The following AGBL3 variants were observed in gnomAD, a reference collection of about 807,000 sequenced individuals.
AGBL3 encodes AGBL carboxypeptidase 3, also known as cytosolic carboxypeptidase 3.
Under a neutral mutation model 94.5 loss-of-function variants are expected in AGBL3, and 68 were observed. The ratio of observed to expected loss-of-function variants is 0.72; its 90% CI spans 0.59 to 0.88. The LOEUF is 0.88. Among genes scored for constraint, AGBL3 ranks in the 40% least tolerant of loss-of-function variants. AGBL3 has a pLI of 0.00. For synonymous variants in AGBL3, 354 were observed against 370.7 expected, an observed-to-expected ratio of 0.95 and a Z score of 0.52; for missense variants, 934 against 1,103.8, an observed-to-expected ratio of 0.85 and a Z score of 2.18.
At chr7:135,005,175 T>A (rs1049492076) in intron 4 of AGBL3, among the ~76,000 whole-genome samples, 11 of 151,776 alleles carry the variant, frequency 7.2e-5, no homozygotes, top group African/African-American at 2.7e-4. Flanking sequence ...GTTGCAGATA[T>A]CCTTACATTT....
intron 12 of AGBL3, among the ~76,000 whole-genome samples, chr7:135,070,575 G>A (rs1454503699): frequency 2.0e-5 from 3 of 152,028 alleles, no homozygotes; most frequent in East Asian, 3.8e-4. Flanking sequence ...TTCAACATAT[G>A]CAAATCAATA....
At chr7:135,058,188 G>T (rs1010711887) in intron 11 of AGBL3, among the ~76,000 whole-genome samples, 10 of 151,998 alleles carry the variant, frequency 6.6e-5, no homozygotes, top group Non-Finnish European at 2.9e-5. Context: ...AGTTATGCAG[G>T]GAATGGGGGC....
At chr7:134,988,955 A>C (rs1164300273) in intron 2 of AGBL3, among the ~76,000 whole-genome samples, 1 of 151,916 alleles carries the variant, frequency 6.6e-6, no homozygotes, top group Non-Finnish European at 1.5e-5. Flanking sequence ...TTCTTAATTT[A>C]AATAGTTTTC....
intron 4 of AGBL3, among the ~76,000 whole-genome samples, chr7:135,003,427 C>T (rs1180048335): frequency 1.3e-5 from 2 of 151,884 alleles, no homozygotes; most frequent in African/African-American, 4.8e-5. Context: ...TTACTGTGTT[C>T]AAGATTTTTC....
chr7:135,128,205 T>C (rs903301543), intron 16 of AGBL3, among the ~76,000 whole-genome samples: 7 of 132,318 alleles, frequency 5.3e-5, no homozygotes, highest in Non-Finnish European at 1.1e-4. Context: ...GACAGGAGAA[T>C]TGCTTGAACC....
At chr7:135,040,885 C>CA (rs60759991) in intron 8 of AGBL3, among the ~76,000 whole-genome samples, 34 of 121,026 alleles carry the variant, frequency 2.8e-4, no homozygotes, top group Non-Finnish European at 4.8e-4. Flanking sequence ...CACACACACA[C>CA]CACACACACA....
chr7:135,068,653 A>T (rs1819592981), intron 12 of AGBL3, among the ~76,000 whole-genome samples: 1 of 152,214 alleles, frequency 6.6e-6, no homozygotes, highest in African/African-American at 2.4e-5. Context: ...TAAGTGAAGG[A>T]GAAATAAAAT....
At chr7:135,057,247 T>C (rs1489640186) in intron 11 of AGBL3, among the ~76,000 whole-genome samples, 2 of 152,076 alleles carry the variant, frequency 1.3e-5, no homozygotes, top group African/African-American at 2.4e-5. Context: ...TCACGAAAAT[T>C]AACTCCAAAT....
intron 15 of AGBL3, among the ~76,000 whole-genome samples, chr7:135,103,276 T>C (rs1385158911): frequency 6.6e-6 from 1 of 152,152 alleles, no homozygotes; most frequent in Non-Finnish European, 1.5e-5. Flanking sequence ...CAAAAAGAAA[T>C]CAAATTATTG....
intron 4 of AGBL3, among the ~76,000 whole-genome samples, chr7:135,016,595 G>T (rs1456159529): frequency 6.6e-6 from 1 of 152,148 alleles, no homozygotes; most frequent in Non-Finnish European, 1.5e-5. Flanking sequence ...AGAAGTGGCA[G>T]GGGTAGGGGG....
intron 8 of AGBL3, among the ~76,000 whole-genome samples, chr7:135,042,026 G>T (rs1816903234): frequency 6.6e-6 from 1 of 152,090 alleles, no homozygotes; most frequent in Non-Finnish European, 1.5e-5. Flanking sequence ...ACAATCCCAA[G>T]TTCTAATAAG....
intron 3 of AGBL3, among the ~76,000 whole-genome samples, chr7:134,991,364 G>T (rs1418708591): frequency 6.6e-6 from 1 of 152,098 alleles, no homozygotes; most frequent in African/African-American, 2.4e-5. Context: ...CCTCCACACT[G>T]TAAGGACCCC....
intron 15 of AGBL3, among the ~76,000 whole-genome samples, chr7:135,110,308 C>T (rs1825438135): frequency 1.3e-5 from 2 of 152,162 alleles, no homozygotes; most frequent in South Asian, 2.1e-4. Context: ...TGGATTCAGC[C>T]CCTTTCCTAG....
At position 135,022,237 on chromosome 7, in the gene AGBL3, C is replaced by T. The variant is rs111516698; in HGVS notation, c.418+5078C>T. Among the ~76,000 whole-genome samples, 1,476 of 152,272 alleles carry T rather than the reference C, an allele frequency of 9.7e-3. 19 individuals carry two copies. The highest frequency in any genetic ancestry group is 0.012 in the Non-Finnish European group (808 of 68,018). ...TTCTGGTTCTAGATCCTTGAGGAAT[C>T]GCCACACTTTATTCCACAATGGTTG... On this transcript the variant is annotated intron_variant, in intron 5 of 16. Transcript: ENST00000436302.
At chr7:135,124,826 A>C (rs897649227) in intron 16 of AGBL3, among the ~76,000 whole-genome samples, 1 of 152,338 alleles carries the variant, frequency 6.6e-6, no homozygotes, top group East Asian at 1.9e-4. Flanking sequence ...TTAAAGCAGA[A>C]ATCAAGAAGT....
chr7:135,012,894 T>C lies in AGBL3; in HGVS notation c.311-4158T>C, dbSNP rs535405205. The stretch of plus-strand genomic sequence containing the variant: ...TCTGTAGTTATAGATAAGGCAACAA[T>C]TCCTTAGGAGCCAGAAAGAAAAAAG... On this transcript the variant is annotated intron_variant, in intron 4 of 16. Transcript: ENST00000436302. Among the ~76,000 whole-genome samples the C allele has an allele frequency of 4.6e-5, 7 of 152,184 alleles. No homozygotes were observed. In the South Asian group the frequency reaches 1.5e-3, roughly 32 times the overall value.
At chr7:135,129,712 T>C (rs1235024573) in intron 16 of AGBL3, 2 of 751,824 alleles carry the variant, frequency 2.7e-6, no homozygotes, top group African/African-American at 1.7e-5. Context: ...GCTCAAGATA[T>C]GGAAGTGGAT....
rs1373093426 is a variant in AGBL3, at chr7:135,134,939, A to G, written c.2441A>G (p.Asn814Ser). The G allele has an allele frequency of 6.4e-7, 1 of 1,551,086 alleles. No homozygotes were observed. Among genetic ancestry groups the G allele is most frequent in the Non-Finnish European group, 8.7e-7 (1 of 1,146,626 alleles). ...GTAATCCAAGGGGATGTTATGGCAA[A>G]CTCTTCAGAATGGGTCCAGTCTAAG... ...PFVIQGDVMA[N>S]SSEWVQSKPH... Residue 814 changes from asparagine to serine, a missense_variant, in exon 17 of 17, where the codon AAC becomes AGC. By Grantham distance (46) the Asn-to-Ser change is conservative. Transcript: ENST00000436302.
chr7:135,051,118 G>T (rs1307273001), intron 11 of AGBL3: 6 of 396,566 alleles, frequency 1.5e-5, no homozygotes, highest in Non-Finnish European at 4.9e-6. Flanking sequence ...ATAGTTGGAA[G>T]AAAGAATGTA....
Sources: allele counts gnomAD v4.1 joint callset (sites outside exome capture counted in the v4.1 genomes callset), GRCh38; gene constraint gnomAD v4.1.1; transcripts MANE v1.5; gene names NCBI Gene and HGNC (gene_info 2026-07-23, HGNC 2026-07-21).